The following LHFPL5 variants were observed in gnomAD, a reference collection of about 807,000 sequenced individuals.
The protein encoded by LHFPL5 is LHFPL tetraspan subfamily member 5.
LHFPL5 carries 12 observed loss-of-function variants against 18.7 expected under a neutral mutation model. The ratio of observed to expected loss-of-function variants is 0.64; its 90% confidence interval spans 0.41 to 1.04. The LOEUF (loss-of-function observed/expected upper bound fraction) is 1.04, where lower values mean the gene tolerates loss of function less well. Among genes scored for constraint, LHFPL5 ranks in the 50% least tolerant of loss-of-function variants. LHFPL5 has a pLI of 0.00. For missense variants in LHFPL5, 259 were observed against 292.1 expected (o/e 0.89, Z 0.83); for synonymous variants, 111 against 120.2 (o/e 0.92, Z 0.50).
chr6:35,821,817 T>G (rs970133100), intron 3 of LHFPL5, among the ~76,000 whole-genome samples: 3 of 149,652 alleles, frequency 2.0e-5, no homozygotes, highest in Admixed American at 6.8e-5. Flanking sequence ...TTAATTTAGG[T>G]TTTTCAAAGC....
intron 2 of LHFPL5, among the ~76,000 whole-genome samples, chr6:35,818,338 TATATATATATG>T (rs1169234578): frequency 0.13 from 1,866 of 14,826 alleles, 71 homozygotes; most frequent in African/African-American, 0.18. Context: ...TATATATATA[TATATATATATG>T]TATTTTTTTT....
intron 1 of LHFPL5, among the ~76,000 whole-genome samples, chr6:35,808,211 G>T (rs1768602717): frequency 6.6e-6 from 1 of 151,806 alleles, no homozygotes; most frequent in Non-Finnish European, 1.5e-5. Context: ...AGCACTTTGG[G>T]AGGCCAAGGA....
In LHFPL5 at chr6:35,806,042, C is replaced by T. The variant is rs886061345; in HGVS notation, c.372C>T (p.Ala124=). Residue 124 remains alanine (A), a synonymous_variant, in exon 1 of 4, where the codon GCC becomes GCT. Coordinates refer to ENST00000360215, the MANE Select transcript of LHFPL5 (RefSeq NM_182548.4). Reference sequence around the variant, plus strand: ...GCCTGTTCTTCATCTGCAACACGGCCACAGTCTATAAGATCTGTGCATGGA... The same window carrying T: ...GCCTGTTCTTCATCTGCAACACGGCTACAGTCTATAAGATCTGTGCATGGA... ...CFSLFFICNT[A]TVYKICAWMQ... The T allele has an allele frequency of 2.5e-6, 4 of 1,614,228 alleles. No individual in the cohort carries two copies. Among genetic ancestry groups the T allele is most frequent in the Non-Finnish European group, 3.4e-6 (4 of 1,180,046 alleles).
chr6:35,806,145 C>T (rs1581967703), intron 1 of LHFPL5, 63 bp downstream of exon 1: 6 of 1,567,400 alleles, frequency 3.8e-6, no homozygotes, highest in Middle Eastern at 1.7e-4. Context: ...GCAGCTGCAC[C>T]ATCCCAGCCT....
Position 35,805,915 on chromosome 6 carries a change from G to T in LHFPL5, c.245G>T (p.Gly82Val), listed in dbSNP as rs1768561184. 6.2e-7 allele frequency: 1 copy of T among 1,614,190 alleles called. No individual in the cohort carries two copies. Among genetic ancestry groups the T allele is most frequent in the Admixed American group, 1.7e-5 (1 of 60,028 alleles). The change falls in exon 1 of 4, where the codon GGC becomes GTC. Residue 82 changes from glycine to valine, a missense_variant. By Grantham distance (109) the Gly-to-Val change is moderately radical. Transcript: ENST00000360215. The surrounding 1 kb of genome is among the most constrained non-coding windows in gnomAD (Gnocchi z 4.3). ...TCCTCCGAGCTCATCTGCAAGGGCG[G>T]CCCCCTAGACTTCTCCTCCATCCCC... Reference protein sequence around the residue: ...VLSSELICKGGPLDFSSIPSR... With the variant: ...VLSSELICKGVPLDFSSIPSR...
At chr6:35,816,155 G>A (rs1768755884) in intron 2 of LHFPL5, among the ~76,000 whole-genome samples, 2 of 148,296 alleles carry the variant, frequency 1.3e-5, no homozygotes, top group East Asian at 4.0e-4. Context: ...TCCGGCCTGG[G>A]TGACAGAGCG....
intron 2 of LHFPL5, among the ~76,000 whole-genome samples, chr6:35,815,224 C>G (rs1768738853): frequency 6.6e-6 from 1 of 152,110 alleles, no homozygotes; most frequent in South Asian, 2.1e-4. Context: ...TCCTGCAGTG[C>G]AGCTGGTGGG....
intron 2 of LHFPL5, among the ~76,000 whole-genome samples, chr6:35,818,351 ATTTTTTTTTTTT>A (rs766409391): frequency 9.4e-6 from 1 of 106,926 alleles, no homozygotes; most frequent in African/African-American, 3.8e-5. Flanking sequence ...ATATATATGT[ATTTTTTTTTTTT>A]TTTTTTTTTT....
At chr6:35,818,341 ATATATATGTATTTTTTTTTTT>A (rs1768801647) in intron 2 of LHFPL5, among the ~76,000 whole-genome samples, 1 of 13,146 alleles carries the variant, frequency 7.6e-5, no homozygotes, top group South Asian at 1.5e-3. Context: ...ATATATATAT[ATATATATGTATTTTTTTTTTT>A]TTTTTTTTTT....
rs886061342 is a variant in LHFPL5, at chr6:35,805,510, A to G, written c.-161A>G. On this transcript the variant is annotated 5_prime_UTR_variant, in exon 1 of 4. Transcript: ENST00000360215. The surrounding 1 kb of genome is among the most constrained non-coding windows in gnomAD (Gnocchi z 4.3). Reference sequence around the variant, plus strand: ...ACCAAATCAAGGTTGTCCTTGTCCTATTAAGCCTCTTCCCCTTGCCTTGAA... The same window carrying G: ...ACCAAATCAAGGTTGTCCTTGTCCTGTTAAGCCTCTTCCCCTTGCCTTGAA... 1 of 681,114 alleles carries G rather than the reference A, an allele frequency of 1.5e-6. No individual in the cohort carries two copies. Among genetic ancestry groups the G allele is most frequent in the Non-Finnish European group, 2.6e-6 (1 of 389,148 alleles). The allele number at this position is 681,114 out of a possible 1,614,324, so 42.2% of individuals were successfully genotyped here.
intron 1 of LHFPL5, among the ~76,000 whole-genome samples, chr6:35,807,082 T>C (rs1051430204): frequency 3.3e-5 from 5 of 151,996 alleles, no homozygotes; most frequent in Non-Finnish European, 7.4e-5. Flanking sequence ...CCTGCCTCAG[T>C]CTCCCAAAGT....
intron 2 of LHFPL5, among the ~76,000 whole-genome samples, chr6:35,816,211 T>C (rs969875931): frequency 3.7e-5 from 5 of 136,336 alleles, no homozygotes; most frequent in African/African-American, 1.4e-4. Flanking sequence ...CTGGGTGCGG[T>C]GGCTCGCAGC....
chr6:35,814,870 G>T lies in LHFPL5; in HGVS notation c.649+88G>T, dbSNP rs1768732661. ...CATCTTAGCCAGTCCTCTAAGGCTT[G>T]GTCCCTGGCCAAGGGATGGGGACAC... On this transcript the variant is annotated intron_variant, in intron 2 of 3. Transcript: ENST00000360215. This position sits in a 1 kb window ranked among gnomAD's most constrained non-coding sequence, Gnocchi z 4.2. 3.3e-6 allele frequency: 4 copies of T among 1,222,206 alleles called. No homozygotes were observed. The South Asian group carries it at 4.8e-5, about 15-fold the overall frequency. The allele number at this position is 1,222,206 out of a possible 1,614,324, so 75.7% of individuals were successfully genotyped here. A position where few individuals can be genotyped will look rare whatever the true frequency, so the allele number is the denominator to read the frequency against.
intron 2 of LHFPL5, among the ~76,000 whole-genome samples, 175 bp from the exon 3 acceptor site, chr6:35,819,262 A>G (rs1259311280): frequency 6.6e-6 from 1 of 152,244 alleles, no homozygotes; most frequent in Non-Finnish European, 1.5e-5. Flanking sequence ...ATGGTCTGGT[A>G]AGGGAGACAA....
intron 3 of LHFPL5, among the ~76,000 whole-genome samples, 166 bp from the exon 4 acceptor site, chr6:35,822,816 G>T (rs1768890287): frequency 6.6e-6 from 1 of 152,076 alleles, no homozygotes; most frequent in Non-Finnish European, 1.5e-5. Flanking sequence ...CACCATGTTG[G>T]CCAGGCTGGC....
intron 1 of LHFPL5, among the ~76,000 whole-genome samples, chr6:35,807,594 G>A (rs756323580): frequency 2.3e-4 from 35 of 152,250 alleles, no homozygotes; most frequent in Admixed American, 8.5e-4. Flanking sequence ...TCTTTAAGAG[G>A]GAGACTGAAA....
chr6:35,810,922 A>ATCT (rs1332393237), intron 1 of LHFPL5, among the ~76,000 whole-genome samples: 1 of 152,170 alleles, frequency 6.6e-6, no homozygotes, highest in Admixed American at 6.5e-5. Context: ...CCACTCCCAA[A>ATCT]TCTTGGTGGC....
chr6:35,807,432 G>T (rs1417637110), intron 1 of LHFPL5, among the ~76,000 whole-genome samples: 2 of 152,140 alleles, frequency 1.3e-5, no homozygotes, highest in African/African-American at 4.8e-5. Flanking sequence ...CAGGAAGAGG[G>T]TTAAGACCTT....
intron 2 of LHFPL5, 56 bp from the exon 3 acceptor site, chr6:35,819,381 A>T: frequency 6.4e-7 from 1 of 1,569,322 alleles, no homozygotes; most frequent in Non-Finnish European, 8.8e-7. Flanking sequence ...TGTGCAGGAA[A>T]TTATCCTAAA....
Sources: gnomAD v4.1 joint callset for allele counts (sites outside exome capture counted in the v4.1 genomes callset) on GRCh38, gnomAD v4.1.1 for gene constraint, Gnocchi (gnomAD v3.1) non-coding constraint, MANE v1.5 for transcripts, NCBI Gene and HGNC (gene_info 2026-07-23, HGNC 2026-07-21) for gene names.